CNTNAP4: variants seen among roughly 807,000 people sequenced by gnomAD.
CNTNAP4 encodes the protein contactin-associated protein-like 4.
Under a neutral mutation model 148.4 loss-of-function variants are expected in CNTNAP4, and 98 were observed. That is an observed-to-expected ratio of 0.66 (90% CI 0.56 to 0.78). The LOEUF is 0.78. Among genes scored for constraint, CNTNAP4 ranks in the 30% least tolerant of loss-of-function variants. CNTNAP4 has a pLI of 0.00. For missense variants in CNTNAP4, 1,935 were observed against 1,565.6 expected (o/e 1.24, Z -3.98); for synonymous variants, 730 against 565.1 (o/e 1.29, Z -4.14).
intron 15 of CNTNAP4, among the ~76,000 whole-genome samples, chr16:76,504,993 C>G (rs1477026131): frequency 6.6e-6 from 1 of 152,034 alleles, no homozygotes; most frequent in Admixed American, 6.6e-5. Context: ...TTTAGAGCAA[C>G]TAGAACTCTG....
At position 76,394,657 on chromosome 16, in the gene CNTNAP4, G is replaced by C. The variant is rs2078136051; in HGVS notation, c.391-32795G>C. On this transcript the variant is annotated intron_variant, in intron 3 of 23. Coordinates refer to ENST00000611870, the MANE Select transcript of CNTNAP4 (RefSeq NM_033401.5). ...CTTATTTAAACATAAATTACAATTT[G>C]AAAGAAAATAGTTTTATTGAAATTC... Among the ~76,000 whole-genome samples, 3 of 152,156 alleles carry C rather than the reference G, an allele frequency of 2.0e-5. 1 individual carries two copies. Among genetic ancestry groups the C allele is most frequent in the East Asian group, 3.9e-4 (2 of 5,174 alleles).
chr16:76,342,613 C>G (rs1410112868), intron 2 of CNTNAP4, among the ~76,000 whole-genome samples: 3 of 151,780 alleles, frequency 2.0e-5, no homozygotes, highest in Admixed American at 2.0e-4. Context: ...GCTGGGACTA[C>G]AGGCACCCGC....
rs1317327922 is a variant in CNTNAP4 at position 76,449,085 on chromosome 16, C to G, written c.927+134C>G. 6 of 803,100 alleles carry G rather than the reference C, an allele frequency of 7.5e-6. No individual in the cohort carries two copies. The East Asian group carries it at 1.6e-4, about 22-fold the overall frequency. 49.7% of individuals were successfully genotyped at this position (803,100 alleles called of 1,614,324 possible). ...CAGGTGAAGCATTTCCCAAGGCAGT[C>G]TAACTCACAGTGGCAGCTTTCGGTG... On this transcript the variant is annotated intron_variant, in intron 6 of 23. Coordinates refer to ENST00000611870, the MANE Select transcript of CNTNAP4 (RefSeq NM_033401.5).
At chr16:76,491,451 C>G (rs961982111) in intron 13 of CNTNAP4, among the ~76,000 whole-genome samples, 1 of 152,200 alleles carries the variant, frequency 6.6e-6, no homozygotes, top group Admixed American at 6.5e-5. Context: ...ACCAGCCTCA[C>G]AGGGTTGCAG....
At chr16:76,326,966 CA>C (rs370233510) in intron 2 of CNTNAP4, among the ~76,000 whole-genome samples, 29 of 144,086 alleles carry the variant, frequency 2.0e-4, no homozygotes, top group East Asian at 4.0e-4. Context: ...TTAAAAAATA[CA>C]AAAAAAAAAG....
chr16:76,395,495 A>G (rs2078169815), intron 3 of CNTNAP4, among the ~76,000 whole-genome samples: 1 of 151,890 alleles, frequency 6.6e-6, no homozygotes, highest in Non-Finnish European at 1.5e-5. Context: ...TGAACTCCTG[A>G]CCTTGTGATC....
rs139448934 is a variant in CNTNAP4, at chr16:76,444,813, T to G, written c.539-3199T>G. On this transcript the variant is annotated intron_variant, in intron 4 of 23. Coordinates refer to ENST00000611870, the MANE Select transcript of CNTNAP4 (RefSeq NM_033401.5). Reference sequence around the variant, plus strand: ...ATATTAAATGTGTATCCTTTGAAGTTTTCCTGTACTGATAATGTACTCGCA... The same window carrying G: ...ATATTAAATGTGTATCCTTTGAAGTGTTCCTGTACTGATAATGTACTCGCA... Among the ~76,000 whole-genome samples, 664 of 152,274 alleles carry G rather than the reference T, an allele frequency of 4.4e-3. 4 individuals are homozygous for G. Among genetic ancestry groups the G allele is most frequent in the African/African-American group, 0.015 (632 of 41,550 alleles).
intron 3 of CNTNAP4, among the ~76,000 whole-genome samples, chr16:76,391,752 C>T (rs1208430093): frequency 6.6e-6 from 1 of 152,160 alleles, no homozygotes; most frequent in Admixed American, 6.5e-5. Flanking sequence ...CTTTGCTACT[C>T]AATGTGTGGT....
intron 21 of CNTNAP4, among the ~76,000 whole-genome samples, chr16:76,550,299 A>C (rs1467907310): frequency 2.0e-5 from 3 of 152,146 alleles, no homozygotes; most frequent in Non-Finnish European, 4.4e-5. Context: ...CCCTGCTAAC[A>C]TGTAAAATAC....
At chr16:76,370,326 C>A (rs1308515888) in intron 3 of CNTNAP4, among the ~76,000 whole-genome samples, 2 of 151,924 alleles carry the variant, frequency 1.3e-5, no homozygotes, top group African/African-American at 4.8e-5. Flanking sequence ...CTAAATTGTC[C>A]TCTGCGCCAG....
intron 21 of CNTNAP4, among the ~76,000 whole-genome samples, chr16:76,544,144 A>G (rs1159993807): frequency 6.6e-6 from 1 of 152,014 alleles, no homozygotes. Context: ...ATTAAAATAT[A>G]TTAAAATTCT....
At position 76,373,247 on chromosome 16, in the gene CNTNAP4, G is replaced by GAATATATTCCACATATATATGTGA. The variant is rs1567902206; in HGVS notation, c.390+17752_390+17775dup. Among the ~76,000 whole-genome samples the GAATATATTCCACATATATATGTGA allele has an allele frequency of 8.9e-3, 835 of 93,462 alleles. 30 individuals carry two copies. The highest frequency in any genetic ancestry group is 0.026 in the African/African-American group (637 of 24,630). The allele number at this position is 93,462 out of a possible 152,430, so 61.3% of individuals were successfully genotyped here. A position where few individuals can be genotyped will look rare whatever the true frequency, so the allele number is the denominator to read the frequency against. ...GTGAATATATTCCACATAAATAGGT[G>GAATATATTCCACATATATATGTGA]AATATATTCCACATATATATGTGAA... is the stretch of plus-strand genomic sequence containing the variant. On this transcript the variant is annotated intron_variant, in intron 3 of 23. Transcript: ENST00000611870.
intron 3 of CNTNAP4, among the ~76,000 whole-genome samples, chr16:76,355,840 T>TTTTTTTTA (rs1555531372): frequency 3.5e-5 from 5 of 141,718 alleles, no homozygotes; most frequent in East Asian, 2.1e-4. Flanking sequence ...TTGCATTGTC[T>TTTTTTTTA]TTTATTTATT....
At chr16:76,396,938 A>T (rs1200181917) in intron 3 of CNTNAP4, among the ~76,000 whole-genome samples, 1 of 152,156 alleles carries the variant, frequency 6.6e-6, no homozygotes, top group Non-Finnish European at 1.5e-5. Flanking sequence ...AAACAACAAG[A>T]AGCTTTAAAG....
chr16:76,338,306 C>T (rs550065562), intron 2 of CNTNAP4, among the ~76,000 whole-genome samples: 1 of 152,306 alleles, frequency 6.6e-6, no homozygotes, highest in South Asian at 2.1e-4. Context: ...TTCGGGGTCC[C>T]CGACTTCCCA....
intron 12 of CNTNAP4, among the ~76,000 whole-genome samples, chr16:76,483,538 C>T (rs1388182482): frequency 1.3e-5 from 2 of 152,138 alleles, no homozygotes; most frequent in East Asian, 3.9e-4. Flanking sequence ...CACGCCTGAG[C>T]AAAGCTTATC....
At chr16:76,327,084 A>G (rs1371544395) in intron 2 of CNTNAP4, among the ~76,000 whole-genome samples, 4 of 152,244 alleles carry the variant, frequency 2.6e-5, no homozygotes, top group African/African-American at 9.6e-5. Flanking sequence ...AATCAGAGGT[A>G]CATGTGCAGG....
At chr16:76,402,540 G>T (rs539623036) in intron 3 of CNTNAP4, among the ~76,000 whole-genome samples, 78 of 151,996 alleles carry the variant, frequency 5.1e-4, no homozygotes, top group Non-Finnish European at 9.0e-4. Context: ...ATGGCTTTTC[G>T]TTTCTTGATT....
intron 3 of CNTNAP4, among the ~76,000 whole-genome samples, chr16:76,407,943 G>A (rs2078653600): frequency 6.6e-6 from 1 of 152,028 alleles, no homozygotes. Context: ...TCACTCCACA[G>A]TCACCCCAAC....
Sources: gnomAD v4.1 joint callset for allele counts (sites outside exome capture counted in the v4.1 genomes callset) on GRCh38, gnomAD v4.1.1 for gene constraint, MANE v1.5 for transcripts, NCBI Gene and HGNC (gene_info 2026-07-23, HGNC 2026-07-21) for gene names.